The following PIGU variants were observed in gnomAD, a reference collection of about 807,000 sequenced individuals.
The protein encoded by PIGU is phosphatidylinositol glycan anchor biosynthesis class U, also known as GPI-anchor transamidase component PIGU.
PIGU carries 24 observed loss-of-function variants against 49.9 expected under a neutral mutation model. The ratio of observed to expected loss-of-function variants is 0.48; its 90% CI spans 0.35 to 0.68. The LOEUF (loss-of-function observed/expected upper bound fraction) is 0.68. Ranked by LOEUF, PIGU falls within the 30% of genes least tolerant of loss-of-function variation. The pLI, the probability that PIGU is intolerant of heterozygous loss-of-function variation, is 0.01. For missense variants in PIGU, 490 were observed against 532.6 expected (o/e 0.92, Z 0.79); for synonymous variants, 220 against 205.7 (o/e 1.07, Z -0.59).
Position 34,628,156 on chromosome 20 carries a change from C to T in PIGU, c.529+6459G>A, listed in dbSNP as rs142322915. 2.4e-3 allele frequency among the ~76,000 whole-genome samples: 364 copies of T among 152,228 alleles called. 1 individual carries two copies. The Middle Eastern group carries it at 0.044, about 18-fold the overall frequency. On this transcript the variant is annotated intron_variant, in intron 6 of 11. Coordinates refer to ENST00000217446, the MANE Select transcript of PIGU (RefSeq NM_080476.5). ...GTGTACAAATATAAGGACTCTTACA[C>T]GCTTCTTATGGGAGTATAAATGTGG... is the stretch of plus-strand genomic sequence containing the variant.
At chr20:34,636,186 G>T (rs940710607) in intron 5 of PIGU, among the ~76,000 whole-genome samples, 1 of 151,924 alleles carries the variant, frequency 6.6e-6, no homozygotes, top group African/African-American at 2.4e-5. Context: ...GGGTGACAGA[G>T]TGAGACTCCA....
intron 1 of PIGU, among the ~76,000 whole-genome samples, chr20:34,671,184 A>G (rs1987293878): frequency 6.6e-6 from 1 of 152,254 alleles, no homozygotes; most frequent in African/African-American, 2.4e-5. Flanking sequence ...AGATCAAATT[A>G]GTGCATTAAC....
intron 7 of PIGU, among the ~76,000 whole-genome samples, chr20:34,615,835 A>C (rs1293144023): frequency 6.6e-6 from 1 of 152,214 alleles, no homozygotes; most frequent in African/African-American, 2.4e-5. Context: ...TCCCCTGCAG[A>C]CATGGGGAGG....
At chr20:34,651,951 A>C (rs1016512694) in intron 2 of PIGU, among the ~76,000 whole-genome samples, 2 of 152,138 alleles carry the variant, frequency 1.3e-5, no homozygotes, top group Non-Finnish European at 2.9e-5. Flanking sequence ...CTACAAAAAA[A>C]AAATTAGCTG....
chr20:34,567,994 TTTTCC>T (rs1982847095), intron 11 of PIGU, among the ~76,000 whole-genome samples: 1 of 152,114 alleles, frequency 6.6e-6, no homozygotes, highest in Non-Finnish European at 1.5e-5. Flanking sequence ...TGCCCATGTC[TTTTCC>T]TTTCTCTCCA....
intron 2 of PIGU, among the ~76,000 whole-genome samples, chr20:34,656,698 C>A (rs1362490056): frequency 6.9e-6 from 1 of 145,246 alleles, no homozygotes; most frequent in African/African-American, 2.6e-5. Flanking sequence ...CCCAGGAGGT[C>A]AAGGCTGCAG....
intron 1 of PIGU, among the ~76,000 whole-genome samples, chr20:34,659,963 C>A (rs1986878314): frequency 6.7e-6 from 1 of 148,786 alleles, no homozygotes; most frequent in African/African-American, 2.5e-5. Flanking sequence ...CCTTTGTTCA[C>A]TTGTTTATCT....
chr20:34,659,856 T>C (rs1024324639), intron 1 of PIGU, among the ~76,000 whole-genome samples: 3 of 151,856 alleles, frequency 2.0e-5, no homozygotes, highest in Admixed American at 6.6e-5. Context: ...GAAGGCAGCA[T>C]GCTTGTTAAG....
intron 11 of PIGU, among the ~76,000 whole-genome samples, chr20:34,565,503 G>A (rs1982710527): frequency 6.6e-6 from 1 of 151,586 alleles, no homozygotes; most frequent in African/African-American, 2.4e-5. Context: ...CTCATGATCC[G>A]CCCACCTCAG....
Position 34,656,232 on chromosome 20 carries a change from A to G in PIGU, c.195+948T>C, listed in dbSNP as rs1452180266. 8.5e-5 allele frequency among the ~76,000 whole-genome samples: 10 copies of G among 117,134 alleles called. 3 individuals carry two copies. The highest frequency in any genetic ancestry group is 1.8e-4 in the Non-Finnish European group (10 of 55,538). The allele number at this position is 117,134 out of a possible 152,430, so 76.8% of individuals were successfully genotyped here. On this transcript the variant is annotated intron_variant, in intron 2 of 11. Transcript: ENST00000217446. ...CGTGATCCACTTGCGTTGGCCTCCCAAAGTGCTGGGATTACAGGTGTAAGC... is the reference window on the plus strand; with the variant it reads ...CGTGATCCACTTGCGTTGGCCTCCCGAAGTGCTGGGATTACAGGTGTAAGC...
At chr20:34,670,069 GAGTGGCAA>G (rs1338531680) in intron 1 of PIGU, among the ~76,000 whole-genome samples, 2 of 152,168 alleles carry the variant, frequency 1.3e-5, no homozygotes, top group African/African-American at 4.8e-5. Context: ...CTTCTGAAGT[GAGTGGCAA>G]AGTTCTGATT....
chr20:34,564,526 C>A (rs1982663944), intron 11 of PIGU, among the ~76,000 whole-genome samples: 2 of 152,072 alleles, frequency 1.3e-5, no homozygotes, highest in African/African-American at 4.8e-5. Flanking sequence ...ACAGCAATGA[C>A]CTATTGTTGT....
At chr20:34,617,716 G>C (rs1985066439) in intron 6 of PIGU, among the ~76,000 whole-genome samples, 1 of 152,186 alleles carries the variant, frequency 6.6e-6, no homozygotes, top group South Asian at 2.1e-4. Flanking sequence ...GGCATGATTG[G>C]TTTTGAAATG....
intron 7 of PIGU, among the ~76,000 whole-genome samples, chr20:34,590,645 A>G (rs1983928229): frequency 6.6e-6 from 1 of 152,176 alleles, no homozygotes; most frequent in African/African-American, 2.4e-5. Flanking sequence ...ACACAACAAC[A>G]AAATAAAATA....
rs769689086 is a variant in PIGU at position 34,560,823 on chromosome 20, C to T, written c.*43G>A. On this transcript the variant is annotated 3_prime_UTR_variant, in exon 12 of 12. Coordinates refer to ENST00000217446, the MANE Select transcript of PIGU (RefSeq NM_080476.5). ...TGGAGGGCTTGGCCCAGCTTCTGGC[C>T]CCACAGCCCCCTGAGGTCCATGCAG... 20 of 1,419,424 alleles carry T rather than the reference C, an allele frequency of 1.4e-5. 1 individual carries two copies. In the South Asian group the frequency reaches 2.6e-4, roughly 19 times the overall value. The allele number at this position is 1,419,424 out of a possible 1,614,324, so 87.9% of individuals were successfully genotyped here.
At chr20:34,653,045 T>G (rs973553163) in intron 2 of PIGU, among the ~76,000 whole-genome samples, 3 of 151,300 alleles carry the variant, frequency 2.0e-5, no homozygotes, top group African/African-American at 7.3e-5. Flanking sequence ...CTATCTCCGC[T>G]CACTGCAAGC....
chr20:34,611,185 A>G (rs1207801569), intron 7 of PIGU, among the ~76,000 whole-genome samples: 1 of 152,208 alleles, frequency 6.6e-6, no homozygotes, highest in Non-Finnish European at 1.5e-5. Context: ...AATTGCAACG[A>G]AAGCCAAAAT....
At chr20:34,657,105 A>C (rs1986727198) in intron 2 of PIGU, 75 bp downstream of exon 2, 5 of 1,162,192 alleles carry the variant, frequency 4.3e-6, no homozygotes, top group Non-Finnish European at 6.3e-6. Flanking sequence ...TGTTTGTACA[A>C]AACAGAGGTT....
chr20:34,594,367 TATG>T (rs975553984), intron 7 of PIGU, among the ~76,000 whole-genome samples: 66 of 152,236 alleles, frequency 4.3e-4, no homozygotes, highest in African/African-American at 1.4e-3. Flanking sequence ...CTGAATAAAC[TATG>T]GTATATTCAC....
Sources: gnomAD v4.1 joint callset for allele counts (sites outside exome capture counted in the v4.1 genomes callset) on GRCh38, gnomAD v4.1.1 for gene constraint, MANE v1.5 for transcripts, NCBI Gene and HGNC (gene_info 2026-07-23, HGNC 2026-07-21) for gene names.